The following PVT1 variants were observed in gnomAD, a reference collection of about 807,000 sequenced individuals.
The protein encoded by PVT1 is Pvt1 oncogene.
chr8:127,966,001 A>G (rs1816699414), intron 3 of PVT1, among the ~76,000 whole-genome samples: 1 of 152,218 alleles, frequency 6.6e-6, no homozygotes, highest in African/African-American at 2.4e-5. Context: ...AAATAGTATA[A>G]TTGAAAGTCC....
At chr8:127,817,131 G>A (rs1814670582) in intron 2 of PVT1, among the ~76,000 whole-genome samples, 2 of 151,064 alleles carry the variant, frequency 1.3e-5, no homozygotes, top group Admixed American at 6.7e-5. Context: ...TCCTGGGATT[G>A]TAGACTCTCA....
intron 4 of PVT1, among the ~76,000 whole-genome samples, chr8:128,014,827 G>T (rs1817353028): frequency 6.6e-6 from 1 of 152,166 alleles, no homozygotes; most frequent in Non-Finnish European, 1.5e-5. Context: ...TTTCTGGAGT[G>T]CTTTGTACTC....
chr8:127,882,109 C>T (rs567454577), intron 2 of PVT1, among the ~76,000 whole-genome samples: 16 of 152,318 alleles, frequency 1.1e-4, no homozygotes, highest in East Asian at 9.7e-4. Context: ...CAAGGCCACA[C>T]GGTTGTGACC....
intron 2 of PVT1, among the ~76,000 whole-genome samples, chr8:127,882,219 G>A (rs1815476613): frequency 6.6e-6 from 1 of 152,138 alleles, no homozygotes; most frequent in Non-Finnish European, 1.5e-5. Context: ...TCGAAGGCTT[G>A]GGAATTCCAA....
intron 3 of PVT1, chr8:127,947,455 CTCT>C (rs1563647223): frequency 6.2e-6 from 2 of 321,240 alleles, no homozygotes; most frequent in African/African-American, 4.3e-5. Flanking sequence ...TTTGTAACTG[CTCT>C]TTTTTTGGCA....
At chr8:127,796,894 T>C (rs1265907075) in intron 2 of PVT1, among the ~76,000 whole-genome samples, 1 of 150,420 alleles carries the variant, frequency 6.6e-6, no homozygotes, top group Non-Finnish European at 1.5e-5. Context: ...TTTTTTTTTT[T>C]TGAGACAGAG....
intron 2 of PVT1, among the ~76,000 whole-genome samples, chr8:127,867,131 C>T (rs953590467): frequency 2.6e-5 from 4 of 152,230 alleles, no homozygotes; most frequent in South Asian, 2.1e-4. Flanking sequence ...GACCTGCCTG[C>T]GGCCTTCCTC....
intron 3 of PVT1, among the ~76,000 whole-genome samples, chr8:127,949,378 G>A (rs1209200368): frequency 2.5e-5 from 1 of 39,612 alleles, no homozygotes; most frequent in East Asian, 8.2e-4. Flanking sequence ...AACTCCAGGA[G>A]CTGTGTGTGT....
At chr8:127,827,437 CCCT>C (rs1814803245) in intron 2 of PVT1, among the ~76,000 whole-genome samples, 1 of 152,170 alleles carries the variant, frequency 6.6e-6, no homozygotes, top group Non-Finnish European at 1.5e-5. Context: ...CTGGTTCACC[CCCT>C]GGGGCTCCCT....
chr8:127,846,253 G>T (rs552807738), intron 2 of PVT1, among the ~76,000 whole-genome samples: 25 of 152,214 alleles, frequency 1.6e-4, no homozygotes, highest in African/African-American at 5.8e-4. Context: ...TTTTTTCACG[G>T]TAAGACCCGG....
chr8:127,966,917 C>T (rs561757640), intron 3 of PVT1, among the ~76,000 whole-genome samples: 1 of 152,292 alleles, frequency 6.6e-6, no homozygotes, highest in African/African-American at 2.4e-5. Flanking sequence ...TGTGCCGAGA[C>T]TCCATGCCCC....
intron 4 of PVT1, among the ~76,000 whole-genome samples, chr8:127,991,685 A>C (rs757810483): frequency 1.4e-4 from 21 of 152,224 alleles, no homozygotes; most frequent in South Asian, 4.2e-4. Flanking sequence ...AGCTGCTGGG[A>C]GCAGAAAGAC....
At chr8:127,988,323 G>C (rs558560445) in intron 3 of PVT1, among the ~76,000 whole-genome samples, 6 of 152,144 alleles carry the variant, frequency 3.9e-5, no homozygotes, top group African/African-American at 1.4e-4. Context: ...TGAGGATGGT[G>C]GGGGGGCCTG....
At chr8:127,944,010 C>G (rs753365539) in intron 3 of PVT1, among the ~76,000 whole-genome samples, 8 of 152,114 alleles carry the variant, frequency 5.3e-5, no homozygotes, top group Non-Finnish European at 1.0e-4. Context: ...TCCATGCGCA[C>G]TCAATAAAAA....
At chr8:128,088,081 A>G (rs539123962) in intron 5 of PVT1, among the ~76,000 whole-genome samples, 1 of 152,036 alleles carries the variant, frequency 6.6e-6, no homozygotes, top group Non-Finnish European at 1.5e-5. Context: ...TTTTCCCTCA[A>G]GACATAACAG....
At chr8:128,030,281 C>T (rs1197388318) in intron 4 of PVT1, among the ~76,000 whole-genome samples, 2 of 152,092 alleles carry the variant, frequency 1.3e-5, no homozygotes, top group Non-Finnish European at 2.9e-5. Flanking sequence ...ATATTATGTA[C>T]ATATGTAATG....
At chr8:128,035,936 A>G (rs546883806) in intron 4 of PVT1, among the ~76,000 whole-genome samples, 1 of 152,246 alleles carries the variant, frequency 6.6e-6, no homozygotes, top group African/African-American at 2.4e-5. Context: ...TTAGTTCCTT[A>G]TGACTTAGTT....
intron 3 of PVT1, among the ~76,000 whole-genome samples, chr8:127,903,805 C>A (rs866838492): frequency 6.6e-6 from 1 of 152,138 alleles, no homozygotes; most frequent in African/African-American, 2.4e-5. Context: ...TGCACCAGTA[C>A]CATGCTGTTT....
intron 2 of PVT1, among the ~76,000 whole-genome samples, chr8:127,843,092 G>A (rs960741251): frequency 2.6e-5 from 4 of 152,124 alleles, no homozygotes; most frequent in South Asian, 2.1e-4. Context: ...ACGGTGGCTC[G>A]TGCCTGTAAT....
Sources: allele counts gnomAD v4.1 joint callset (sites outside exome capture counted in the v4.1 genomes callset), GRCh38; gene constraint gnomAD v4.1.1; transcripts MANE v1.5; gene names NCBI Gene and HGNC (gene_info 2026-07-23, HGNC 2026-07-21).